CCDC148: variants seen among roughly 807,000 people sequenced by gnomAD.
CCDC148 encodes the protein coiled-coil domain containing 148, also known as coiled-coil domain-containing protein 148.
Under a neutral mutation model 85.7 loss-of-function variants are expected in CCDC148, and 89 were observed. The ratio of observed to expected loss-of-function variants is 1.04; its 90% CI spans 0.87 to 1.24. CCDC148 has a LOEUF of 1.24. Among genes scored for constraint, CCDC148 ranks in the 50% most tolerant of loss-of-function variants. The pLI is 0.00. For missense variants in CCDC148, 692 were observed against 671.7 expected (o/e 1.03, Z -0.33); for synonymous variants, 230 against 213.9 (o/e 1.08, Z -0.66).
chr2:158,178,314 T>C (rs1317672285), intron 12 of CCDC148, among the ~76,000 whole-genome samples: 1 of 152,102 alleles, frequency 6.6e-6, no homozygotes, highest in Admixed American at 6.6e-5. Flanking sequence ...AACTACCAAG[T>C]AAAACTATCA....
chr2:158,173,263 C>A (rs1684404497), intron 13 of CCDC148, among the ~76,000 whole-genome samples: 1 of 151,864 alleles, frequency 6.6e-6, no homozygotes, highest in Admixed American at 6.6e-5. Context: ...TGAAATAGGC[C>A]AACTTGGGAT....
chr2:158,311,738 A>G (rs933998025), intron 8 of CCDC148, among the ~76,000 whole-genome samples: 1 of 152,182 alleles, frequency 6.6e-6, no homozygotes, highest in African/African-American at 2.4e-5. Context: ...AAAATTCACA[A>G]TTTTACCTTT....
intron 9 of CCDC148, among the ~76,000 whole-genome samples, chr2:158,307,809 T>C (rs968928697): frequency 4.6e-5 from 7 of 152,228 alleles, no homozygotes; most frequent in Admixed American, 4.6e-4. Flanking sequence ...TTGATTTATA[T>C]GAAGTTCAGG....
intron 1 of CCDC148, chr2:158,425,217 G>A (rs1228377713): frequency 3.7e-6 from 2 of 536,232 alleles, no homozygotes; most frequent in Non-Finnish European, 7.5e-6. Flanking sequence ...CTATGCACAG[G>A]TGTATGCAGA....
intron 1 of CCDC148, among the ~76,000 whole-genome samples, chr2:158,366,653 C>T (rs2105275582): frequency 6.6e-6 from 1 of 152,238 alleles, no homozygotes; most frequent in African/African-American, 2.4e-5. Flanking sequence ...GCTATTTGGG[C>T]CCAATGTAGG....
chr2:158,323,639 T>C (rs1415817737), intron 7 of CCDC148, among the ~76,000 whole-genome samples: 1 of 152,200 alleles, frequency 6.6e-6, no homozygotes. Context: ...AGAAGAGATG[T>C]AATCTTGCCC....
rs148748083 is a variant in CCDC148, at chr2:158,219,001, A to G, written c.1370+1594T>C. Among the ~76,000 whole-genome samples, 397 of 152,310 alleles carry G rather than the reference A, an allele frequency of 2.6e-3. 3 individuals are homozygous for G. The highest frequency in any genetic ancestry group is 9.2e-3 in the African/African-American group (383 of 41,568). On this transcript the variant is annotated intron_variant, in intron 11 of 13. Coordinates refer to ENST00000283233, the MANE Select transcript of CCDC148 (RefSeq NM_138803.4). ...ACAACCTCAGTGATTAGAGTTTGAG[A>G]TAACAGTCACATGGGTCACAAAGGA...
intron 9 of CCDC148, among the ~76,000 whole-genome samples, chr2:158,271,607 T>C (rs1197915194): frequency 6.6e-6 from 1 of 152,218 alleles, no homozygotes; most frequent in Non-Finnish European, 1.5e-5. Context: ...ACCACGTTCA[T>C]ATAACTTGTA....
intron 9 of CCDC148, among the ~76,000 whole-genome samples, chr2:158,266,811 T>C (rs909598308): frequency 6.6e-6 from 1 of 151,990 alleles, no homozygotes; most frequent in Non-Finnish European, 1.5e-5. Context: ...CATTCCTTTT[T>C]ATGGCTCAGT....
intron 1 of CCDC148, among the ~76,000 whole-genome samples, chr2:158,407,983 T>C (rs896722025): frequency 6.6e-5 from 10 of 152,198 alleles, no homozygotes; most frequent in African/African-American, 2.4e-4. Flanking sequence ...TGAATAAATA[T>C]AAAAATGGTC....
In CCDC148 at chr2:158,226,654, C is replaced by T. The variant is rs369457059; in HGVS notation, c.1252-5941G>A. Among the ~76,000 whole-genome samples, 39 of 152,238 alleles carry T rather than the reference C, an allele frequency of 2.6e-4. No individual in the cohort carries two copies. The South Asian group carries it at 4.8e-3, about 19-fold the overall frequency. On this transcript the variant is annotated intron_variant, in intron 10 of 13. Transcript: ENST00000283233. ...TGGGATGCAAGGCTGGTTCAACATACGCAAATCAATAAACATAATCCAGCA... is the reference window on the plus strand; with the variant it reads ...TGGGATGCAAGGCTGGTTCAACATATGCAAATCAATAAACATAATCCAGCA...
chr2:158,314,424 C>T (rs914213725), intron 7 of CCDC148, among the ~76,000 whole-genome samples: 1 of 152,150 alleles, frequency 6.6e-6, no homozygotes, highest in Non-Finnish European at 1.5e-5. Context: ...CTTAGTGCTT[C>T]ATAGAGGCAA....
chr2:158,267,045 A>C (rs1363432519), intron 9 of CCDC148, among the ~76,000 whole-genome samples: 2 of 151,896 alleles, frequency 1.3e-5, no homozygotes, highest in African/African-American at 4.8e-5. Flanking sequence ...AAACATATGA[A>C]GCCCTAGCTT....
At chr2:158,331,687 C>T (rs1693133325) in intron 7 of CCDC148, among the ~76,000 whole-genome samples, 1 of 152,160 alleles carries the variant, frequency 6.6e-6, no homozygotes, top group Non-Finnish European at 1.5e-5. Flanking sequence ...AATCTGGGTG[C>T]TCCTGTATTG....
chr2:158,395,833 C>CT (rs1266757693), intron 1 of CCDC148, among the ~76,000 whole-genome samples: 2 of 152,106 alleles, frequency 1.3e-5, no homozygotes, highest in East Asian at 3.9e-4. Context: ...CCTCACATGT[C>CT]TAACAGGAAT....
chr2:158,309,704 T>G, intron 8 of CCDC148, 65 bp from the exon 9 acceptor site: 1 of 1,125,262 alleles, frequency 8.9e-7, no homozygotes, highest in Non-Finnish European at 1.3e-6. Flanking sequence ...TGCATCATTG[T>G]TACAAAAATG....
intron 7 of CCDC148, among the ~76,000 whole-genome samples, chr2:158,338,006 G>C (rs1028928606): frequency 5.3e-5 from 8 of 152,036 alleles, no homozygotes; most frequent in Middle Eastern, 3.4e-3. Flanking sequence ...TTCTTTCGGG[G>C]AAAATATTGA....
chr2:158,198,931 T>C (rs1183891285), intron 11 of CCDC148, among the ~76,000 whole-genome samples: 3 of 152,184 alleles, frequency 2.0e-5, no homozygotes, highest in Non-Finnish European at 4.4e-5. Context: ...GAAACAGCTT[T>C]GTTCTCAGAA....
chr2:158,343,411 C>T (rs760848832), intron 3 of CCDC148, among the ~76,000 whole-genome samples: 33 of 152,132 alleles, frequency 2.2e-4, no homozygotes, highest in Non-Finnish European at 2.9e-4. Context: ...ACTGAGAGAG[C>T]AATAACGACT....
Sources: gnomAD v4.1 joint callset for allele counts (sites outside exome capture counted in the v4.1 genomes callset) on GRCh38, gnomAD v4.1.1 for gene constraint, MANE v1.5 for transcripts, NCBI Gene and HGNC (gene_info 2026-07-23, HGNC 2026-07-21) for gene names.